Variants in CSMD1 observed in about 807,000 individuals in gnomAD.
The protein encoded by CSMD1 is CUB and Sushi multiple domains 1.
In CSMD1, 213 loss-of-function variants were observed where a neutral mutation model predicts 417.5. The observed-to-expected ratio is 0.51, with a 90% CI of 0.46 to 0.57. The LOEUF is 0.57. Ranked by LOEUF, CSMD1 falls within the 20% of genes least tolerant of loss-of-function variation. CSMD1 has a pLI of 0.00. For missense variants in CSMD1, 6,923 were observed against 4,529.7 expected, an observed-to-expected ratio of 1.53 and a Z score of -15.17; for synonymous variants, 2,862 against 1,736.8, an observed-to-expected ratio of 1.65 and a Z score of -16.11.
intron 5 of CSMD1, among the ~76,000 whole-genome samples, chr8:3,832,584 A>T (rs559511024): frequency 6.6e-6 from 1 of 152,298 alleles, no homozygotes; most frequent in Admixed American, 6.5e-5. Context: ...AAAAAAACAA[A>T]AACAGAAATA....
At chr8:4,659,927 T>A (rs1275062840) in intron 1 of CSMD1, among the ~76,000 whole-genome samples, 1 of 151,930 alleles carries the variant, frequency 6.6e-6, no homozygotes, top group Non-Finnish European at 1.5e-5. Context: ...CAACACCCAC[T>A]CAGGATCAAA....
intron 3 of CSMD1, among the ~76,000 whole-genome samples, chr8:4,131,519 G>A (rs555834316): frequency 6.6e-5 from 10 of 152,152 alleles, no homozygotes; most frequent in East Asian, 1.9e-4. Context: ...TAAACATTAT[G>A]TTTAATATCA....
chr8:4,866,726 T>C (rs1436390394), intron 1 of CSMD1, among the ~76,000 whole-genome samples: 1 of 151,972 alleles, frequency 6.6e-6, no homozygotes, highest in Non-Finnish European at 1.5e-5. Context: ...AACAATAATT[T>C]TCAACCTCGA....
chr8:3,748,020 G>A (rs1797144253), intron 6 of CSMD1, among the ~76,000 whole-genome samples: 1 of 152,060 alleles, frequency 6.6e-6, no homozygotes, highest in African/African-American at 2.4e-5. Context: ...TATAAAACAA[G>A]GTAGCAAGAC....
At chr8:3,423,352 C>T (rs1418422132) in intron 12 of CSMD1, among the ~76,000 whole-genome samples, 1 of 152,160 alleles carries the variant, frequency 6.6e-6, no homozygotes, top group Non-Finnish European at 1.5e-5. Context: ...TTCCCTTGCT[C>T]CTGGCAACCA....
chr8:3,915,474 G>A (rs1222300608), intron 5 of CSMD1, among the ~76,000 whole-genome samples: 1 of 151,038 alleles, frequency 6.6e-6, no homozygotes, highest in African/African-American at 2.4e-5. Context: ...GGACTTCAGG[G>A]AAGTGCAGGA....
At chr8:3,329,345 G>A (rs1806741029) in intron 23 of CSMD1, among the ~76,000 whole-genome samples, 1 of 152,078 alleles carries the variant, frequency 6.6e-6, no homozygotes, top group African/African-American at 2.4e-5. Context: ...CCCATTTGCA[G>A]CGTGACAGAG....
At chr8:3,715,291 G>A (rs1336793469) in intron 6 of CSMD1, among the ~76,000 whole-genome samples, 1 of 152,100 alleles carries the variant, frequency 6.6e-6, no homozygotes, top group Non-Finnish European at 1.5e-5. Flanking sequence ...GATTTGTGCT[G>A]ATACACTGTA....
intron 23 of CSMD1, among the ~76,000 whole-genome samples, chr8:3,343,016 A>G (rs1807763503): frequency 6.6e-6 from 1 of 152,120 alleles, no homozygotes; most frequent in Non-Finnish European, 1.5e-5. Flanking sequence ...ACCCCAATCA[A>G]TATATTTAAG....
intron 25 of CSMD1, among the ~76,000 whole-genome samples, chr8:3,296,702 G>C (rs1803995542): frequency 6.6e-6 from 1 of 152,164 alleles, no homozygotes; most frequent in Non-Finnish European, 1.5e-5. Context: ...AGAGAAAACA[G>C]GCTTGGAAGA....
chr8:4,035,522 G>T (rs1292156198), intron 3 of CSMD1, among the ~76,000 whole-genome samples: 2 of 152,138 alleles, frequency 1.3e-5, no homozygotes, highest in South Asian at 2.1e-4. Context: ...CCTTCTGGTG[G>T]GACAAGACGT....
rs555902985 is a variant in CSMD1, at chr8:3,845,332, A to G, written c.819-91290T>C. Reference sequence around the variant, plus strand: ...CTAGCCTACCACACACTGAGGCTCTACGATACAGCATGTTGCTCCTGGACC... The same window carrying G: ...CTAGCCTACCACACACTGAGGCTCTGCGATACAGCATGTTGCTCCTGGACC... On this transcript the variant is annotated intron_variant, in intron 5 of 69. Coordinates refer to ENST00000635120, the MANE Select transcript of CSMD1 (RefSeq NM_033225.6). Among the ~76,000 whole-genome samples, 16 of 152,308 alleles carry G rather than the reference A, an allele frequency of 1.1e-4. No homozygotes were observed. The East Asian group carries it at 2.9e-3, about 28-fold the overall frequency.
At chr8:4,708,340 C>A (rs753858754) in intron 1 of CSMD1, among the ~76,000 whole-genome samples, 1 of 152,130 alleles carries the variant, frequency 6.6e-6, no homozygotes, top group Non-Finnish European at 1.5e-5. Flanking sequence ...AATGTAAGCT[C>A]CGTGAACATT....
At chr8:4,799,067 C>T (rs1798137352) in intron 1 of CSMD1, among the ~76,000 whole-genome samples, 1 of 152,178 alleles carries the variant, frequency 6.6e-6, no homozygotes, top group Non-Finnish European at 1.5e-5. Context: ...GAGGTCAGGG[C>T]TTGCATTGGC....
At chr8:4,301,044 A>T (rs1015563819) in intron 3 of CSMD1, among the ~76,000 whole-genome samples, 1 of 152,286 alleles carries the variant, frequency 6.6e-6, no homozygotes, top group East Asian at 1.9e-4. Context: ...AAACAAAAAG[A>T]AGTCAGAAGG....
chr8:4,114,370 G>C (rs1802021087), intron 3 of CSMD1, among the ~76,000 whole-genome samples: 1 of 152,152 alleles, frequency 6.6e-6, no homozygotes, highest in South Asian at 2.1e-4. Context: ...GCCTACTGTT[G>C]AGACCTACTG....
chr8:3,815,815 T>A (rs543805523), intron 5 of CSMD1, among the ~76,000 whole-genome samples: 2 of 152,258 alleles, frequency 1.3e-5, no homozygotes, highest in Admixed American at 1.3e-4. Flanking sequence ...CTAGAAAGTC[T>A]AAATTCTAGC....
chr8:3,896,613 G>A (rs370207657), intron 5 of CSMD1, among the ~76,000 whole-genome samples: 5 of 152,098 alleles, frequency 3.3e-5, no homozygotes, highest in East Asian at 3.9e-4. Context: ...CCAGGTTCAC[G>A]CCATTCTCCT....
In CSMD1 at chr8:4,832,361, G is replaced by C. The variant is rs570931257; in HGVS notation, c.85+161971C>G. 3.3e-5 allele frequency among the ~76,000 whole-genome samples: 5 copies of C among 152,282 alleles called. No individual in the cohort carries two copies. In the South Asian group the frequency reaches 8.3e-4, roughly 25 times the overall value. ...AATGCCTGAGTGGTATGCTACAGTGGCAATGAACTTGACACATGACTGAAA... is the reference window on the plus strand; with the variant it reads ...AATGCCTGAGTGGTATGCTACAGTGCCAATGAACTTGACACATGACTGAAA... On this transcript the variant is annotated intron_variant, in intron 1 of 69. Coordinates refer to ENST00000635120, the MANE Select transcript of CSMD1 (RefSeq NM_033225.6).
Sources: allele counts gnomAD v4.1 joint callset (sites outside exome capture counted in the v4.1 genomes callset), GRCh38; gene constraint gnomAD v4.1.1; transcripts MANE v1.5; gene names NCBI Gene and HGNC (gene_info 2026-07-23, HGNC 2026-07-21).